The following SCARA3 variants were observed in gnomAD, a reference collection of about 807,000 sequenced individuals.
SCARA3 encodes scavenger receptor class A member 3.
SCARA3 carries 39 observed loss-of-function variants against 47.0 expected under a neutral mutation model. The observed-to-expected ratio is 0.83, with a 90% CI of 0.64 to 1.08. The LOEUF is 1.08. Ranked by LOEUF, SCARA3 falls within the 50% of genes least tolerant of loss-of-function variation. The pLI, the probability that SCARA3 is intolerant of heterozygous loss-of-function variation, is 0.00. For synonymous variants in SCARA3, 356 were observed against 334.1 expected, an observed-to-expected ratio of 1.07 and a Z score of -0.71; for missense variants, 724 against 792.3, an observed-to-expected ratio of 0.91 and a Z score of 1.04.
At position 27,671,260 on chromosome 8, in the gene SCARA3, G is replaced by A. The variant is rs1802148284; in HGVS notation, c.1730G>A (p.Gly577Glu). 3 of 1,481,310 alleles carry A rather than the reference G, an allele frequency of 2.0e-6. No individual in the cohort carries two copies. Among genetic ancestry groups the A allele is most frequent in the South Asian group, 1.4e-5 (1 of 71,182 alleles). The allele number at this position is 1,481,310 out of a possible 1,614,324, so 91.8% of individuals were successfully genotyped here. A position where few individuals can be genotyped will look rare whatever the true frequency, so the allele number is the denominator to read the frequency against. ...AGKTGSPGQR[G>E]AMGPKGEPGI... Reference sequence around the variant, plus strand: ...AAGACAGGGTCACCAGGCCAGCGGGGGGCCATGGGGCCTAAGGGTGAACCA... The same window carrying A: ...AAGACAGGGTCACCAGGCCAGCGGGAGGCCATGGGGCCTAAGGGTGAACCA... Residue 577 changes from glycine to glutamate, a missense_variant, in exon 6 of 6, where the codon GGG becomes GAG. Coordinates refer to ENST00000301904, the MANE Select transcript of SCARA3 (RefSeq NM_016240.3).
downstream of SCARA3, among the ~76,000 whole-genome samples, chr8:27,681,627 C>T (rs909320260): frequency 1.3e-5 from 2 of 152,100 alleles, no homozygotes; most frequent in Admixed American, 6.6e-5. Flanking sequence ...GAGGCTGAGA[C>T]AAGAGGATTG....
chr8:27,719,947 C>A, the SCARA3 span, among the ~76,000 whole-genome samples: 1 of 152,120 alleles, frequency 6.6e-6, no homozygotes, highest in Non-Finnish European at 1.5e-5. Flanking sequence ...ACAGGAATTA[C>A]AGAAAGCCAA....
At chr8:27,705,023 A>G in the SCARA3 span, among the ~76,000 whole-genome samples, 1 of 152,118 alleles carries the variant, frequency 6.6e-6, no homozygotes, top group Non-Finnish European at 1.5e-5. Flanking sequence ...CATCCTGTGA[A>G]TTTGGCCAAA....
the SCARA3 span, among the ~76,000 whole-genome samples, chr8:27,729,344 T>A: frequency 6.6e-6 from 1 of 152,098 alleles, no homozygotes; most frequent in Non-Finnish European, 1.5e-5. Context: ...CCCCCACAGC[T>A]CACAGGATGT....
At chr8:27,699,193 G>C in the SCARA3 span, among the ~76,000 whole-genome samples, 18 of 151,298 alleles carry the variant, frequency 1.2e-4, no homozygotes, top group African/African-American at 4.4e-4. Flanking sequence ...GCAGTGAGCC[G>C]AGATTGCGCC....
the SCARA3 span, among the ~76,000 whole-genome samples, chr8:27,688,631 A>G: frequency 0.069 from 10,516 of 152,176 alleles, 404 homozygotes; most frequent in East Asian, 0.21. Context: ...GGGAGGTAGA[A>G]GTCAGGGGTA....
In SCARA3 at chr8:27,671,186, G is replaced by A. The variant is rs202229371; in HGVS notation, c.1656G>A (p.Pro552=). Residue 552 remains proline (P), a synonymous_variant, in exon 6 of 6, where the codon CCG becomes CCA. Transcript: ENST00000301904. The part of the protein sequence containing the change: ...DIGPPGPEGP[P]GSPGPSGPQG... The stretch of plus-strand genomic sequence containing the variant: ...GGCCCCCAGGGCCAGAAGGGCCCCC[G>A]GGGTCTCCAGGGCCCTCAGGGCCTC... 5.1e-4 allele frequency: 778 copies of A among 1,515,756 alleles called. 1 individual carries two copies. The highest frequency in any genetic ancestry group is 5.9e-4 in the Non-Finnish European group (676 of 1,136,894). 93.9% of individuals were successfully genotyped at this position (1,515,756 alleles called of 1,614,324 possible). A position where few individuals can be genotyped will look rare whatever the true frequency, so the allele number is the denominator to read the frequency against.
the SCARA3 span, among the ~76,000 whole-genome samples, chr8:27,732,510 A>G: frequency 0.38 from 57,054 of 152,104 alleles, 11,500 homozygotes; most frequent in Middle Eastern, 0.46. Flanking sequence ...AATCAATTTA[A>G]GACAGAAAAA....
Position 27,672,424 on chromosome 8 carries a change from C to T in SCARA3, c.*1073C>T. On this transcript the variant is annotated 3_prime_UTR_variant, in exon 6 of 6. Transcript: ENST00000301904. The stretch of plus-strand genomic sequence containing the variant: ...CCTCCCTTGCTCTCCCTGAGGCTGG[C>T]CTGCCCCATTCCCCAAGGGGGCTCC... 1.0e-6 allele frequency: 1 copy of T among 985,534 alleles called. No homozygotes were observed. The highest frequency in any genetic ancestry group is 1.2e-6 in the Non-Finnish European group (1 of 830,022). The allele number at this position is 985,534 out of a possible 1,614,324, so 61.0% of individuals were successfully genotyped here.
At chr8:27,729,024 C>T in the SCARA3 span, among the ~76,000 whole-genome samples, 10 of 152,154 alleles carry the variant, frequency 6.6e-5, no homozygotes, top group African/African-American at 1.7e-4. Flanking sequence ...GTGATTGCAC[C>T]GTTGCACTCC....
At chr8:27,657,713 T>TG (rs1801773059) in intron 4 of SCARA3, among the ~76,000 whole-genome samples, 1 of 151,222 alleles carries the variant, frequency 6.6e-6, no homozygotes, top group African/African-American at 2.4e-5. Context: ...GCTAATTTTT[T>TG]GTATTTTTAG....
rs1802152310 is a variant in SCARA3, at chr8:27,671,371, ACT to A, written c.*21_*22del. 1.4e-6 allele frequency: 2 copies of A among 1,399,192 alleles called. No individual in the cohort carries two copies. The highest frequency in any genetic ancestry group is 2.8e-5 in the East Asian group (1 of 35,556). The allele number at this position is 1,399,192 out of a possible 1,614,324, so 86.7% of individuals were successfully genotyped here. A position where few individuals can be genotyped will look rare whatever the true frequency, so the allele number is the denominator to read the frequency against. ...TACTGAGGAGGGCTGTGGCAGAGCC[ACT>A]GTCACACAGAATGCCGGAGGGGCGC... On this transcript the variant is annotated 3_prime_UTR_variant, in exon 6 of 6. Coordinates refer to ENST00000301904, the MANE Select transcript of SCARA3 (RefSeq NM_016240.3).
At chr8:27,732,706 C>T in the SCARA3 span, among the ~76,000 whole-genome samples, 1 of 152,296 alleles carries the variant, frequency 6.6e-6, no homozygotes, top group East Asian at 1.9e-4. Context: ...AACCCCAGAA[C>T]ACTAGCAGCT....
At chr8:27,651,896 C>T (rs918509917) in intron 3 of SCARA3, among the ~76,000 whole-genome samples, 2 of 152,202 alleles carry the variant, frequency 1.3e-5, no homozygotes, top group African/African-American at 4.8e-5. Context: ...CAGTGCTTCT[C>T]AGTTTCAGCT....
intron 1 of SCARA3, 107 bp downstream of exon 1, chr8:27,634,314 G>A: frequency 9.7e-7 from 1 of 1,032,396 alleles, no homozygotes; most frequent in Non-Finnish European, 1.3e-6. Flanking sequence ...GAGGAGGGCA[G>A]GGCGCCTCTG....
chr8:27,669,149 G>A (rs1347754198), intron 5 of SCARA3, among the ~76,000 whole-genome samples: 1 of 152,192 alleles, frequency 6.6e-6, no homozygotes, highest in African/African-American at 2.4e-5. Context: ...GACAGAAGGA[G>A]GAGGCGAATG....
chr8:27,646,876 T>C (rs1250671337), intron 1 of SCARA3, among the ~76,000 whole-genome samples: 1 of 150,566 alleles, frequency 6.6e-6, no homozygotes, highest in East Asian at 2.0e-4. Flanking sequence ...GAGCTGAAAG[T>C]GCTTCTTAGG....
At position 27,658,885 on chromosome 8, in the gene SCARA3, C is replaced by T. The variant is rs779074099; in HGVS notation, c.715C>T (p.Arg239Trp). The change falls in exon 5 of 6, where the codon CGG becomes TGG. Residue 239 changes from arginine (R) to tryptophan (W), a missense_variant. By Grantham distance (101) the Arg-to-Trp change is moderately radical. Transcript: ENST00000301904. ...TTCCGAGTGGATCCACGGGATCCAG[C>T]GGAAGACAGACGAGGAGACCCTGAC... ...QTSEWIHGIQ[R>W]KTDEETLTLQ... The T allele has an allele frequency of 1.5e-5, 24 of 1,614,126 alleles. No individual in the cohort carries two copies. Among genetic ancestry groups the T allele is most frequent in the Middle Eastern group, 1.6e-4 (1 of 6,062 alleles).
chr8:27,726,700 CA>C, the SCARA3 span, among the ~76,000 whole-genome samples: 2 of 150,762 alleles, frequency 1.3e-5, no homozygotes, highest in African/African-American at 2.4e-5. Context: ...AACTCCGTCT[CA>C]AAAAAAATAA....
Sources: gnomAD v4.1 joint callset for allele counts (sites outside exome capture counted in the v4.1 genomes callset) on GRCh38, gnomAD v4.1.1 for gene constraint, MANE v1.5 for transcripts, NCBI Gene and HGNC (gene_info 2026-07-23, HGNC 2026-07-21) for gene names.